The following CANX variants were observed in gnomAD, a reference collection of about 807,000 sequenced individuals.
CANX encodes calnexin.
A neutral mutation model predicts 75.7 loss-of-function variants in CANX; 14 were observed. The ratio of observed to expected loss-of-function variants is 0.19; its 90% confidence interval spans 0.12 to 0.29. The LOEUF (loss-of-function observed/expected upper bound fraction) is 0.29, where lower values mean the gene tolerates loss of function less well. Among genes scored for constraint, CANX ranks in the 10% least tolerant of loss-of-function variants. The pLI is 1.00. For missense variants in CANX, 567 were observed against 713.2 expected, an observed-to-expected ratio of 0.79 and a Z score of 2.34; for synonymous variants, 227 against 236.9, an observed-to-expected ratio of 0.96 and a Z score of 0.38.
chr5:179,679,041 G>T (rs1412740205), intron 1 of CANX: 5 of 1,534,290 alleles, frequency 3.3e-6, no homozygotes, highest in Non-Finnish European at 3.5e-6. Flanking sequence ...GGCGGCCGCC[G>T]TGGCGAGAAG....
chr5:179,704,968 C>T (rs901876801), intron 1 of CANX, among the ~76,000 whole-genome samples: 5 of 151,886 alleles, frequency 3.3e-5, no homozygotes, highest in African/African-American at 1.2e-4. Flanking sequence ...CATATTAAGC[C>T]TTAATATGAG....
chr5:179,702,608 G>T (rs751155684), intron 1 of CANX, among the ~76,000 whole-genome samples: 3 of 152,020 alleles, frequency 2.0e-5, no homozygotes, highest in Non-Finnish European at 4.4e-5. Context: ...GGACACTTGG[G>T]TTGCTTCTGA....
chr5:179,724,714 G>A lies in CANX; in HGVS notation c.1576G>A (p.Glu526Lys). The change falls in exon 13 of 15, where the codon GAA becomes AAA. Residue 526 changes from glutamate to lysine, a missense_variant. Glu to Lys is a moderately conservative substitution (Grantham distance 56, BLOSUM62 1). Around this residue, in one of 3 missense-constraint regions of CANX, gnomAD observed 167 missense variants for 179.3 expected, o/e 0.93. Coordinates refer to ENST00000247461, the MANE Select transcript of CANX (RefSeq NM_001746.4). ...KTDAPQPDVK[E>K]EEEEKEEEKD... ...TGATGCACCTCAACCGGATGTGAAG[G>A]AAGAGGAAGAAGAGAAGGAAGAGGA... 6.2e-7 allele frequency: 1 copy of A among 1,612,480 alleles called. No homozygotes were observed. Among genetic ancestry groups the A allele is most frequent in the East Asian group, 2.2e-5 (1 of 44,874 alleles).
At position 179,729,048 on chromosome 5, in the gene CANX, G is replaced by A. The variant is rs1210743231; in HGVS notation, c.*404G>A. The stretch of plus-strand genomic sequence containing the variant: ...AAAAATGTTAGGGAGATGAGTTGCA[G>A]TTTTTATAATAGATTTTTTTTAAAG... On this transcript the variant is annotated 3_prime_UTR_variant, in exon 15 of 15. Transcript: ENST00000247461. The A allele has an allele frequency of 4.4e-6, 1 of 224,750 alleles. No homozygotes were observed. Among genetic ancestry groups the A allele is most frequent in the African/African-American group, 2.4e-5 (1 of 42,004 alleles). The allele number at this position is 224,750 out of a possible 1,614,324, so 13.9% of individuals were successfully genotyped here.
rs181320494 is a variant in CANX at position 179,725,860 on chromosome 5, C to T, written c.1646-820C>T. Among the ~76,000 whole-genome samples the T allele has an allele frequency of 2.8e-3, 424 of 150,020 alleles. 1 individual carries two copies. The highest frequency in any genetic ancestry group is 0.01 in the African/African-American group (408 of 40,748). ...AAAGTTAGCCAGGCATGGTGGCGGG[C>T]GCCTGTAGTCCCACCTATTCGGGAG... On this transcript the variant is annotated intron_variant, in intron 13 of 14. Transcript: ENST00000247461.
intron 6 of CANX, 33 bp downstream of exon 6, chr5:179,709,092 A>G: frequency 1.6e-6 from 2 of 1,236,092 alleles, no homozygotes; most frequent in Non-Finnish European, 2.4e-6. Context: ...ATGTGGCTGG[A>G]CACCCACTAT....
intron 3 of CANX, among the ~76,000 whole-genome samples, chr5:179,706,695 G>T (rs1468620542): frequency 2.0e-5 from 3 of 152,104 alleles, no homozygotes; most frequent in African/African-American, 4.8e-5. Flanking sequence ...GACCTCAGGT[G>T]GTCCACTTGC....
intron 12 of CANX, among the ~76,000 whole-genome samples, chr5:179,723,981 C>CT (rs901770821): frequency 3.9e-5 from 6 of 152,158 alleles, no homozygotes; most frequent in African/African-American, 1.4e-4. Flanking sequence ...TTTATAGCCC[C>CT]TTGGTTGCTA....
upstream of CANX, among the ~76,000 whole-genome samples, chr5:179,695,640 A>G (rs866140267): frequency 1.9e-3 from 202 of 105,548 alleles, 1 homozygote; most frequent in African/African-American, 7.0e-3. Context: ...ATTTTTATTT[A>G]TTTATTTATT....
chr5:179,702,293 C>T (rs776697318), intron 1 of CANX, among the ~76,000 whole-genome samples: 9 of 151,600 alleles, frequency 5.9e-5, no homozygotes, highest in Non-Finnish European at 1.3e-4. Context: ...AAGCGATCAT[C>T]CTGCTTCCTC....
intron 7 of CANX, among the ~76,000 whole-genome samples, chr5:179,715,387 A>C (rs1777867896): frequency 6.6e-6 from 1 of 152,092 alleles, no homozygotes; most frequent in African/African-American, 2.4e-5. Flanking sequence ...ACAAAAAATT[A>C]GCTGGGCATG....
chr5:179,709,019 C>G lies in CANX; in HGVS notation c.488C>G (p.Ala163Gly). The change falls in exon 6 of 15, where the codon GCC (alanine) becomes GGC (glycine). Residue 163 changes from alanine to glycine, a missense_variant. Coordinates refer to ENST00000247461, the MANE Select transcript of CANX (RefSeq NM_001746.4). Reference sequence around the variant, plus strand: ...CAAAATGGAATAGAATGTGGTGGTGCCTATGTGAAACTGCTTTCTAAAACA... The same window carrying G: ...CAAAATGGAATAGAATGTGGTGGTGGCTATGTGAAACTGCTTTCTAAAACA... ...NFQNGIECGG[A>G]YVKLLSKTPE... The G allele has an allele frequency of 1.2e-6, 2 of 1,604,526 alleles. No homozygotes were observed. The highest frequency in any genetic ancestry group is 1.7e-6 in the Non-Finnish European group (2 of 1,171,318).
At chr5:179,705,591 T>C in intron 1 of CANX, 88 bp from the exon 2 acceptor site, 1 of 957,342 alleles carries the variant, frequency 1.0e-6, no homozygotes, top group Non-Finnish European at 1.6e-6. Context: ...ATTTAAAAGC[T>C]TTAATTTTAA....
At chr5:179,712,988 C>T (rs983516899) in intron 7 of CANX, among the ~76,000 whole-genome samples, 18 of 151,402 alleles carry the variant, frequency 1.2e-4, no homozygotes, top group Non-Finnish European at 1.6e-4. Context: ...AGGCTGGTCT[C>T]GAACTCCTGA....
intron 1 of CANX, among the ~76,000 whole-genome samples, chr5:179,685,848 C>T (rs1346930528): frequency 2.0e-5 from 3 of 151,888 alleles, no homozygotes; most frequent in Non-Finnish European, 4.4e-5. Flanking sequence ...AGCCACCACG[C>T]CCTGCCTAAT....
intron 7 of CANX, 32 bp downstream of exon 7, chr5:179,710,097 G>C (rs763496854): frequency 7.9e-7 from 1 of 1,257,954 alleles, no homozygotes. Flanking sequence ...GGGGCTTATG[G>C]TATTACATAT....
chr5:179,699,228 G>C, intron 1 of CANX, 126 bp downstream of exon 1: 1 of 514,350 alleles, frequency 1.9e-6, no homozygotes, highest in Non-Finnish European at 2.5e-6. Context: ...TGAGGGCCCA[G>C]GCCCTGGCCG....
In CANX at chr5:179,702,189, G is replaced by A. The variant is rs554056260; in HGVS notation, c.-4+3087G>A. Reference sequence around the variant, plus strand: ...CTCCTGAGTAGCTGGATCCACAGGCGGATGACGCTACACTCAGCTAATTTT... The same window carrying A: ...CTCCTGAGTAGCTGGATCCACAGGCAGATGACGCTACACTCAGCTAATTTT... On this transcript the variant is annotated intron_variant, in intron 1 of 14. Transcript: ENST00000247461. Among the ~76,000 whole-genome samples, 4 of 151,712 alleles carry A rather than the reference G, an allele frequency of 2.6e-5. No homozygotes were observed. The South Asian group carries it at 6.3e-4, about 24-fold the overall frequency.
At chr5:179,684,605 G>T (rs1292229657) in intron 1 of CANX, among the ~76,000 whole-genome samples, 1 of 151,956 alleles carries the variant, frequency 6.6e-6, no homozygotes, top group East Asian at 1.9e-4. Context: ...CTCCCAAAGT[G>T]CTGAGATTAC....
Sources: gnomAD v4.1 joint callset for allele counts (sites outside exome capture counted in the v4.1 genomes callset) on GRCh38, gnomAD v4.1.1 for gene constraint, gnomAD v4.1.1 regional missense constraint, MANE v1.5 for transcripts, NCBI Gene and HGNC (gene_info 2026-07-23, HGNC 2026-07-21) for gene names.